SLC12A2: variants seen among roughly 807,000 people sequenced by gnomAD.
The protein encoded by SLC12A2 is Na-K-2Cl cotransporter 1.
SLC12A2 carries 67 observed loss-of-function variants against 136.3 expected under a neutral mutation model. The observed-to-expected ratio is 0.49, with a 90% CI of 0.40 to 0.60. SLC12A2 has a LOEUF of 0.60. Among genes scored for constraint, SLC12A2 ranks in the 20% least tolerant of loss-of-function variants. The pLI is 0.00. For synonymous variants in SLC12A2, 619 were observed against 562.9 expected (o/e 1.10, Z -1.41); for missense variants, 1,322 against 1,534.7 (o/e 0.86, Z 2.32).
intron 4 of SLC12A2, among the ~76,000 whole-genome samples, chr5:128,128,012 A>G (rs989199285): frequency 6.6e-6 from 1 of 152,092 alleles, no homozygotes. Flanking sequence ...TGTTAGGTAT[A>G]TCTCACTAAT....
intron 6 of SLC12A2, among the ~76,000 whole-genome samples, chr5:128,135,109 A>G (rs1349917999): frequency 2.6e-5 from 4 of 152,066 alleles, no homozygotes; most frequent in African/African-American, 9.7e-5. Flanking sequence ...ACCGTTTTTC[A>G]TGAGTGTTCA....
rs1342882287 is a variant in SLC12A2 at position 128,112,865 on chromosome 5, G to A, written c.808G>A (p.Asp270Asn). 3 of 1,613,062 alleles carry A rather than the reference G, an allele frequency of 1.9e-6. No individual in the cohort carries two copies. Among genetic ancestry groups the A allele is most frequent in the African/African-American group, 2.7e-5 (2 of 74,914 alleles). The change falls in exon 2 of 27, where the codon GAT (aspartate) becomes AAT (asparagine). Residue 270 changes from aspartate to asparagine, a missense_variant. Around this residue, in one of 8 missense-constraint regions of SLC12A2, gnomAD observed 59 missense variants for 51.5 expected, o/e 1.15. Coordinates refer to ENST00000262461, the MANE Select transcript of SLC12A2 (RefSeq NM_001046.3). Reference protein sequence around the residue: ...ANGEESTPTRDAVVTYTAESK... With the variant: ...ANGEESTPTRNAVVTYTAESK... ...TGGGGAAGAAAGTACTCCAACCAGA[G>A]ATGCTGTGGTCACGTATACTGCAGA...
Position 128,131,126 on chromosome 5 carries a change from C to G in SLC12A2, c.1108C>G (p.Leu370Val). The stretch of plus-strand genomic sequence containing the variant: ...GCCAGAATTTGGTGGTGCAATTGGT[C>G]TAATCTTCGCCTTTGCCAACGCTGT... The part of the protein sequence containing the change: ...LGPEFGGAIG[L>V]IFAFANAVAV... The change falls in exon 5 of 27, where the codon CTA (leucine) becomes GTA (valine). Residue 370 changes from leucine (L) to valine (V), a missense_variant. Physicochemically the swap from Leu to Val is conservative, Grantham distance 32 (BLOSUM62 1). Coordinates refer to ENST00000262461, the MANE Select transcript of SLC12A2 (RefSeq NM_001046.3). The G allele has an allele frequency of 6.2e-7, 1 of 1,614,012 alleles. No individual in the cohort carries two copies. Among genetic ancestry groups the G allele is most frequent in the Non-Finnish European group, 8.5e-7 (1 of 1,179,912 alleles).
chr5:128,109,881 A>G (rs1459513809), intron 1 of SLC12A2: 3 of 790,496 alleles, frequency 3.8e-6, no homozygotes, highest in East Asian at 2.4e-5. Flanking sequence ...CCAGTGTGCC[A>G]TGAGAATTGT....
At position 128,174,624 on chromosome 5, in the gene SLC12A2, GA is replaced by G; in HGVS notation, c.2888del (p.Asp963ValfsTer28). The G allele has an allele frequency of 1.9e-6, 3 of 1,609,010 alleles. No homozygotes were observed. Among genetic ancestry groups the G allele is most frequent in the Non-Finnish European group, 2.5e-6 (3 of 1,177,234 alleles). ...SVEYSKKSDL[D>X]TSKPLSEKPI... ...GGAATATAGTAAAAAGTCCGATTTA[GA>G]TACTTCCAAACCACTCAGTGAAAAA... On this transcript the variant is annotated frameshift_variant, in exon 20 of 27. Transcript: ENST00000262461. LOFTEE classifies it high-confidence loss of function.
At chr5:128,107,953 A>T (rs1261379211) in intron 1 of SLC12A2, among the ~76,000 whole-genome samples, 1 of 151,966 alleles carries the variant, frequency 6.6e-6, no homozygotes, top group African/African-American at 2.4e-5. Context: ...TTGTTTCCTG[A>T]CTTTTTAATG....
intron 22 of SLC12A2, among the ~76,000 whole-genome samples, chr5:128,179,324 T>A (rs1026614880): frequency 5.9e-5 from 9 of 152,198 alleles, no homozygotes; most frequent in African/African-American, 2.2e-4. Flanking sequence ...TCCTATTCCA[T>A]CATTTCTTCC....
chr5:128,108,647 G>A (rs1284410024), intron 1 of SLC12A2, among the ~76,000 whole-genome samples: 29 of 152,110 alleles, frequency 1.9e-4, no homozygotes, highest in Non-Finnish European at 2.9e-5. Context: ...AAGGAAGGGG[G>A]AATTGAGGTA....
rs1187079240 is a variant in SLC12A2 at position 128,161,858 on chromosome 5, A to G, written c.2616+58A>G. The G allele has an allele frequency of 2.6e-6, 3 of 1,172,802 alleles. No individual in the cohort carries two copies. The East Asian group carries it at 8.7e-5, about 34-fold the overall frequency. 72.6% of individuals were successfully genotyped at this position (1,172,802 alleles called of 1,614,324 possible). A position where few individuals can be genotyped will look rare whatever the true frequency, so the allele number is the denominator to read the frequency against. On this transcript the variant is annotated intron_variant, in intron 17 of 26. Transcript: ENST00000262461. Reference sequence around the variant, plus strand: ...TTTTAGATTTGTATAAGCTTTTTAAAACTTTTTAATTCTAGATTTCATTCT... The same window carrying G: ...TTTTAGATTTGTATAAGCTTTTTAAGACTTTTTAATTCTAGATTTCATTCT...
rs1276724859 is a variant in SLC12A2 at position 128,188,818 on chromosome 5, A to C, written c.*2187A>C. On this transcript the variant is annotated 3_prime_UTR_variant, in exon 27 of 27. Coordinates refer to ENST00000262461, the MANE Select transcript of SLC12A2 (RefSeq NM_001046.3). The stretch of plus-strand genomic sequence containing the variant: ...TTTTGCAATGTTTGGGGGTAAAGAC[A>C]GTAGAAATATTATTCAGTAAACAAT... 6.6e-6 allele frequency: 1 copy of C among 152,320 alleles called. No homozygotes were observed. Among genetic ancestry groups the C allele is most frequent in the Non-Finnish European group, 1.5e-5 (1 of 67,976 alleles). The allele number at this position is 152,320 out of a possible 1,614,324, so 9.4% of individuals were successfully genotyped here.
intron 10 of SLC12A2, among the ~76,000 whole-genome samples, chr5:128,146,181 T>C (rs1762522110): frequency 6.6e-6 from 1 of 151,920 alleles, no homozygotes; most frequent in Non-Finnish European, 1.5e-5. Flanking sequence ...GACACGACGA[T>C]CATTTTGAAG....
chr5:128,173,130 G>C (rs545067325), intron 19 of SLC12A2, among the ~76,000 whole-genome samples: 3 of 152,094 alleles, frequency 2.0e-5, no homozygotes, highest in Admixed American at 6.6e-5. Context: ...AAATACGTAA[G>C]AGGTATCTGC....
chr5:128,180,038 C>T (rs1561707411), intron 22 of SLC12A2, among the ~76,000 whole-genome samples: 2 of 127,786 alleles, frequency 1.6e-5, no homozygotes, highest in East Asian at 2.6e-4. Flanking sequence ...GGCGCAATCT[C>T]GGCCCACTGA....
chr5:128,183,472 T>C (rs957054699), intron 24 of SLC12A2, among the ~76,000 whole-genome samples: 3 of 151,952 alleles, frequency 2.0e-5, no homozygotes, highest in Non-Finnish European at 4.4e-5. Context: ...AGATAGAAAA[T>C]AGTAAGGTAC....
At chr5:128,143,930 A>G (rs1762447844) in intron 10 of SLC12A2, among the ~76,000 whole-genome samples, 2 of 150,236 alleles carry the variant, frequency 1.3e-5, no homozygotes, top group Admixed American at 6.6e-5. Context: ...TATTATAAAT[A>G]TAATAAAATT....
At chr5:128,112,318 G>A (rs1342220120) in intron 1 of SLC12A2, among the ~76,000 whole-genome samples, 1 of 152,192 alleles carries the variant, frequency 6.6e-6, no homozygotes, top group African/African-American at 2.4e-5. Flanking sequence ...AAAGAGAGGA[G>A]CTATGAAGGA....
chr5:128,165,310 A>G (rs1763166911), intron 17 of SLC12A2, among the ~76,000 whole-genome samples: 1 of 152,210 alleles, frequency 6.6e-6, no homozygotes, highest in Non-Finnish European at 1.5e-5. Flanking sequence ...TGTCAACTCA[A>G]TTTTAAACCT....
chr5:128,104,478 C>G (rs1237190258), intron 1 of SLC12A2, among the ~76,000 whole-genome samples: 2 of 151,652 alleles, frequency 1.3e-5, no homozygotes, highest in Non-Finnish European at 2.9e-5. Flanking sequence ...ACTAAAAATA[C>G]AAAATTAGCC....
chr5:128,137,591 C>CT lies in SLC12A2; in HGVS notation c.1409-1005dup, dbSNP rs1762226863. On this transcript the variant is annotated intron_variant, in intron 7 of 26. Coordinates refer to ENST00000262461, the MANE Select transcript of SLC12A2 (RefSeq NM_001046.3). ...AATTCCATGAAGGCAGGAACAATGT[C>CT]TAACTTGTTTATATTGCATCTCCAA... 3.9e-5 allele frequency among the ~76,000 whole-genome samples: 6 copies of CT among 152,276 alleles called. 1 individual carries two copies. In the South Asian group the frequency reaches 1.2e-3, roughly 32 times the overall value.
Sources: allele counts gnomAD v4.1 joint callset (sites outside exome capture counted in the v4.1 genomes callset), GRCh38; gene constraint gnomAD v4.1.1; regional missense constraint gnomAD v4.1.1; transcripts MANE v1.5; gene names NCBI Gene and HGNC (gene_info 2026-07-23, HGNC 2026-07-21).